RBFOX1: variants seen among roughly 807,000 people sequenced by gnomAD.
RBFOX1 encodes RNA binding fox-1 homolog 1.
RBFOX1 carries 8 observed loss-of-function variants against 57.7 expected under a neutral mutation model. The observed-to-expected ratio is 0.14, with a 90% CI of 0.08 to 0.25. RBFOX1 has a LOEUF of 0.25. RBFOX1 is among the 10% of genes least tolerant of loss of function. RBFOX1 has a pLI of 1.00. For missense variants in RBFOX1, 611 were observed against 548.5 expected (o/e 1.11, Z -1.14); for synonymous variants, 326 against 222.4 (o/e 1.47, Z -4.15).
intron 5 of RBFOX1, among the ~76,000 whole-genome samples, chr16:7,537,283 C>T (rs1288407103): frequency 6.6e-6 from 1 of 152,168 alleles, no homozygotes; most frequent in African/African-American, 2.4e-5. Context: ...AAATAATCTG[C>T]CAGAGCTCTC....
chr16:6,459,165 C>G (rs1317834124), intron 2 of RBFOX1, among the ~76,000 whole-genome samples: 1 of 152,160 alleles, frequency 6.6e-6, no homozygotes, highest in African/African-American at 2.4e-5. Flanking sequence ...GAAACCCCGT[C>G]TCTACTAAAA....
intron 2 of RBFOX1, among the ~76,000 whole-genome samples, chr16:6,403,412 G>A (rs1000982673): frequency 6.6e-6 from 1 of 151,808 alleles, no homozygotes; most frequent in Non-Finnish European, 1.5e-5. Context: ...CATCCAGGCA[G>A]GAGTGCAGTG....
At chr16:7,393,371 G>C (rs1437953871) in intron 4 of RBFOX1, among the ~76,000 whole-genome samples, 1 of 152,082 alleles carries the variant, frequency 6.6e-6, no homozygotes, top group African/African-American at 2.4e-5. Flanking sequence ...CAATCCACAA[G>C]TTTTCTTTGG....
At chr16:7,527,831 C>G (rs2079044573) in intron 5 of RBFOX1, among the ~76,000 whole-genome samples, 1 of 152,238 alleles carries the variant, frequency 6.6e-6, no homozygotes, top group Non-Finnish European at 1.5e-5. Flanking sequence ...AGAGCGGTCT[C>G]CTTGGTTCCG....
At chr16:7,379,488 C>A (rs1222399048) in intron 4 of RBFOX1, among the ~76,000 whole-genome samples, 7 of 152,198 alleles carry the variant, frequency 4.6e-5, no homozygotes, top group Non-Finnish European at 1.0e-4. Context: ...GCCATTATGA[C>A]TGTGGATAAT....
At chr16:6,855,404 C>G (rs925367074) in intron 3 of RBFOX1, among the ~76,000 whole-genome samples, 1 of 152,030 alleles carries the variant, frequency 6.6e-6, no homozygotes, top group Non-Finnish European at 1.5e-5. Flanking sequence ...GTAATCCCAG[C>G]ACTTTGGGAG....
chr16:6,790,059 A>G (rs1191030794), intron 3 of RBFOX1, among the ~76,000 whole-genome samples: 1 of 146,988 alleles, frequency 6.8e-6, no homozygotes, highest in African/African-American at 2.4e-5. Flanking sequence ...TGAGATGGAG[A>G]TTTAATAAAC....
At chr16:6,323,730 TAC>T (rs1416873614) in intron 2 of RBFOX1, among the ~76,000 whole-genome samples, 4 of 152,174 alleles carry the variant, frequency 2.6e-5, no homozygotes, top group African/African-American at 9.7e-5. Flanking sequence ...AGGTTGCAAG[TAC>T]AGTTTCCATA....
intron 3 of RBFOX1, among the ~76,000 whole-genome samples, chr16:5,735,833 A>T (rs1222655879): frequency 3.9e-5 from 6 of 152,074 alleles, no homozygotes; most frequent in African/African-American, 1.4e-4. Flanking sequence ...CCAAGATGGC[A>T]CCACTGCACT....
intron 3 of RBFOX1, among the ~76,000 whole-genome samples, chr16:5,693,939 C>T (rs1417286258): frequency 6.6e-6 from 1 of 152,166 alleles, no homozygotes; most frequent in African/African-American, 2.4e-5. Flanking sequence ...TGGCAATGGC[C>T]TTGTGTTACC....
intron 4 of RBFOX1, among the ~76,000 whole-genome samples, chr16:7,189,357 T>C (rs9939661): frequency 0.28 from 37,593 of 136,284 alleles, 5,264 homozygotes; most frequent in African/African-American, 0.41. Flanking sequence ...ACCCGGGAGG[T>C]GGAGCTTGCA....
At chr16:7,008,337 T>C (rs2093419409) in intron 3 of RBFOX1, among the ~76,000 whole-genome samples, 1 of 151,122 alleles carries the variant, frequency 6.6e-6, no homozygotes, top group South Asian at 2.1e-4. Flanking sequence ...AGGCCAGGAG[T>C]TTGAGACCAT....
chr16:7,269,871 A>G (rs1320091381), intron 4 of RBFOX1, among the ~76,000 whole-genome samples: 1 of 152,230 alleles, frequency 6.6e-6, no homozygotes, highest in African/African-American at 2.4e-5. Context: ...TGCACATCCC[A>G]TAACCATAGC....
chr16:6,843,213 G>T (rs2093583722), intron 3 of RBFOX1, among the ~76,000 whole-genome samples: 1 of 152,110 alleles, frequency 6.6e-6, no homozygotes. Context: ...TAAAGAATGG[G>T]TGAAAATCTC....
chr16:6,745,322 A>T (rs1603501927), intron 3 of RBFOX1, among the ~76,000 whole-genome samples: 1 of 152,086 alleles, frequency 6.6e-6, no homozygotes, highest in Non-Finnish European at 1.5e-5. Flanking sequence ...CTGTAATACC[A>T]AAACCAGGAA....
chr16:6,074,139 A>C (rs1863278512), intron 1 of RBFOX1, among the ~76,000 whole-genome samples: 1 of 152,042 alleles, frequency 6.6e-6, no homozygotes, highest in Non-Finnish European at 1.5e-5. Context: ...TAGTAGAGAC[A>C]GGATTTCACC....
At chr16:7,217,227 G>C (rs924101868) in intron 4 of RBFOX1, among the ~76,000 whole-genome samples, 1 of 150,700 alleles carries the variant, frequency 6.6e-6, no homozygotes, top group African/African-American at 2.4e-5. Context: ...CCCACAGCAG[G>C]AGTAGCTGGG....
chr16:7,582,078 G>T (rs546617910), intron 6 of RBFOX1, among the ~76,000 whole-genome samples: 2 of 148,588 alleles, frequency 1.3e-5, no homozygotes, highest in Non-Finnish European at 3.0e-5. Context: ...CACCCAGACT[G>T]CAGTGAAGTG....
chr16:5,900,975 G>C (rs903637646), intron 4 of RBFOX1, among the ~76,000 whole-genome samples: 6 of 152,234 alleles, frequency 3.9e-5, no homozygotes, highest in African/African-American at 1.4e-4. Flanking sequence ...GGTGGCATGT[G>C]AGAAGCAGAG....
Sources: allele counts gnomAD v4.1 joint callset (sites outside exome capture counted in the v4.1 genomes callset), GRCh38; gene constraint gnomAD v4.1.1; transcripts MANE v1.5; gene names NCBI Gene and HGNC (gene_info 2026-07-23, HGNC 2026-07-21).